The following ACBD6 variants were observed in gnomAD, a reference collection of about 807,000 sequenced individuals.
ACBD6 encodes the protein acyl-CoA binding domain containing 6.
In ACBD6, 28 loss-of-function variants were observed where a neutral mutation model predicts 37.2. The ratio of observed to expected loss-of-function variants is 0.75; its 90% CI spans 0.56 to 1.03. The LOEUF (loss-of-function observed/expected upper bound fraction) is 1.03. Ranked by LOEUF, ACBD6 falls within the 50% of genes least tolerant of loss-of-function variation. ACBD6 has a pLI of 0.00. For missense variants in ACBD6, 340 were observed against 337.4 expected, an observed-to-expected ratio of 1.01 and a Z score of -0.06; for synonymous variants, 113 against 126.8, an observed-to-expected ratio of 0.89 and a Z score of 0.73.
chr1:180,277,930 T>A (rs1649137931), intron 9 of ACBD6: 1 of 151,938 alleles, frequency 6.6e-6, no homozygotes, highest in African/African-American at 2.4e-5. Context: ...GGCCATTAGA[T>A]CTTCATCATT....
chr1:180,448,647 T>C (rs1279172313), intron 3 of ACBD6, among the ~76,000 whole-genome samples: 1 of 152,184 alleles, frequency 6.6e-6, no homozygotes, highest in Non-Finnish European at 1.5e-5. Context: ...CTAGAGAACG[T>C]TACCATGAAC....
chr1:180,409,683 G>C (rs945219784), intron 5 of ACBD6, among the ~76,000 whole-genome samples: 2 of 152,136 alleles, frequency 1.3e-5, no homozygotes, highest in Non-Finnish European at 2.9e-5. Context: ...TGTGTGTTCT[G>C]ACTGCTCCAC....
At chr1:180,499,612 T>C (rs1484624997) in intron 1 of ACBD6, among the ~76,000 whole-genome samples, 2 of 152,214 alleles carry the variant, frequency 1.3e-5, no homozygotes, top group Non-Finnish European at 2.9e-5. Context: ...TAATATTTTC[T>C]AGGGAATTTG....
chr1:180,355,571 T>C (rs1652592101), intron 6 of ACBD6, among the ~76,000 whole-genome samples: 1 of 152,202 alleles, frequency 6.6e-6, no homozygotes, highest in South Asian at 2.1e-4. Flanking sequence ...TCTTTTATTT[T>C]TTATATTATC....
intron 3 of ACBD6, among the ~76,000 whole-genome samples, chr1:180,443,989 A>T (rs6680368): frequency 0.82 from 124,712 of 151,716 alleles, 51,645 homozygotes; most frequent in Non-Finnish European, 0.88. Flanking sequence ...TTTCATCCAG[A>T]AATTTTAGCC....
At chr1:180,411,931 A>G (rs1647876479) in intron 5 of ACBD6, among the ~76,000 whole-genome samples, 1 of 152,016 alleles carries the variant, frequency 6.6e-6, no homozygotes, top group Non-Finnish European at 1.5e-5. Flanking sequence ...CGGCCTCCCA[A>G]AGTGCTGGGA....
intron 3 of ACBD6, among the ~76,000 whole-genome samples, chr1:180,431,562 C>A (rs908052189): frequency 6.6e-6 from 1 of 151,978 alleles, no homozygotes; most frequent in African/African-American, 2.4e-5. Flanking sequence ...TACAATGGTT[C>A]GATTTATGAT....
intron 3 of ACBD6, among the ~76,000 whole-genome samples, chr1:180,473,199 G>A (rs1407610754): frequency 6.6e-6 from 1 of 152,178 alleles, no homozygotes; most frequent in African/African-American, 2.4e-5. Flanking sequence ...TGTAATCCCA[G>A]CACTTTGGGA....
intron 6 of ACBD6, among the ~76,000 whole-genome samples, chr1:180,359,732 A>T (rs1409009342): frequency 6.6e-6 from 1 of 151,856 alleles, no homozygotes; most frequent in Non-Finnish European, 1.5e-5. Context: ...TGCTGTTATG[A>T]CTTTTAGATA....
chr1:180,412,013 T>C (rs1647879893), intron 5 of ACBD6, among the ~76,000 whole-genome samples: 1 of 151,962 alleles, frequency 6.6e-6, no homozygotes, highest in Non-Finnish European at 1.5e-5. Context: ...AAAAATTTCA[T>C]GTGACTCGCT....
At chr1:180,271,758 G>A (rs552915347) in exon 14 of ACBD6, 29 of 1,541,554 alleles carry the variant, frequency 1.9e-5, no homozygotes, top group Middle Eastern at 1.9e-4. Flanking sequence ...GCTTCCAGCC[G>A]CCCGCCTAGG....
intron 6 of ACBD6, among the ~76,000 whole-genome samples, chr1:180,371,839 A>G (rs1207499129): frequency 1.3e-5 from 2 of 152,210 alleles, no homozygotes; most frequent in African/African-American, 4.8e-5. Context: ...AAAAAGTCAC[A>G]TAAGAAGTTG....
chr1:180,314,561 A>G lies in ACBD6; in HGVS notation c.694+131T>C. On this transcript the variant is annotated intron_variant, in intron 7 of 7. Transcript: ENST00000367595. ...CGCCCGGCCTAATACATTTTTTTGA[A>G]CAAAAAGTTATTGTATCTCTGCTAG... 5 of 754,930 alleles carry G rather than the reference A, an allele frequency of 6.6e-6. No homozygotes were observed. The South Asian group carries it at 8.4e-5, about 13-fold the overall frequency. The allele number at this position is 754,930 out of a possible 1,614,324, so 46.8% of individuals were successfully genotyped here. A position where few individuals can be genotyped will look rare whatever the true frequency, so the allele number is the denominator to read the frequency against.
At position 180,308,024 on chromosome 1, in the gene ACBD6, ATTTCTTTACC is replaced by A. The variant is rs200129689; in HGVS notation, c.694+6658_694+6667del. On this transcript the variant is annotated intron_variant, in intron 7 of 7. Coordinates refer to ENST00000367595, the MANE Select transcript of ACBD6 (RefSeq NM_032360.4). ...CTCTTAATGTCTCTTTACATTTATC[ATTTCTTTACC>A]TTTCTGTGCTGCCTTTTTGGCAATT... Among the ~76,000 whole-genome samples the A allele has an allele frequency of 2.7e-3, 415 of 152,280 alleles. 5 individuals carry two copies. The highest frequency in any genetic ancestry group is 0.015 in the East Asian group (77 of 5,182).
intron 6 of ACBD6, among the ~76,000 whole-genome samples, chr1:180,315,297 C>T (rs1172027359): frequency 2.0e-5 from 3 of 152,120 alleles, no homozygotes; most frequent in African/African-American, 7.2e-5. Context: ...TTAGGAAATT[C>T]CAACATTTCA....
chr1:180,442,792 C>T (rs1462451624), intron 3 of ACBD6, among the ~76,000 whole-genome samples: 1 of 152,088 alleles, frequency 6.6e-6, no homozygotes, highest in African/African-American at 2.4e-5. Flanking sequence ...TTATATTTTT[C>T]CCTATCTAAA....
Position 180,492,272 on chromosome 1 carries a change from AG to A in ACBD6, c.380del (p.Pro127LeufsTer48). 6.2e-7 allele frequency: 1 copy of A among 1,612,542 alleles called. No homozygotes were observed. Among genetic ancestry groups the A allele is most frequent in the Non-Finnish European group, 8.5e-7 (1 of 1,178,612 alleles). On this transcript the variant is annotated frameshift_variant, in exon 3 of 8. Transcript: ENST00000367595. LOFTEE classifies it high-confidence loss of function. ...VVKKLDPGWN[P>X]QIPEKKGKEA... Reference sequence around the variant, plus strand: ...ATTTATAATCATTAAGTCTTACCTGAGGATTCCAACCTGGATCTAGTTTTTT... The same window carrying A: ...ATTTATAATCATTAAGTCTTACCTGAGATTCCAACCTGGATCTAGTTTTTT...
intron 3 of ACBD6, among the ~76,000 whole-genome samples, chr1:180,450,005 C>A (rs1003333445): frequency 6.7e-6 from 1 of 148,394 alleles, no homozygotes; most frequent in African/African-American, 2.5e-5. Flanking sequence ...CATTCAGGAC[C>A]CCCCCACCCC....
intron 3 of ACBD6, among the ~76,000 whole-genome samples, chr1:180,487,802 C>CTT (rs1293990204): frequency 6.6e-6 from 1 of 152,110 alleles, no homozygotes; most frequent in Admixed American, 6.5e-5. Context: ...CCTGTCACAC[C>CTT]TTAAACTACA....
Sources: allele counts gnomAD v4.1 joint callset (sites outside exome capture counted in the v4.1 genomes callset), GRCh38; gene constraint gnomAD v4.1.1; transcripts MANE v1.5; gene names NCBI Gene and HGNC (gene_info 2026-07-23, HGNC 2026-07-21).